Variants in TCF7L2 observed in about 807,000 individuals in gnomAD.
The protein encoded by TCF7L2 is transcription factor 7 like 2, also known as transcription factor 7-like 2.
Under a neutral mutation model 77.9 loss-of-function variants are expected in TCF7L2, and 23 were observed. That is an observed-to-expected ratio of 0.30 (90% CI 0.21 to 0.42). TCF7L2 has a LOEUF of 0.42. Ranked by LOEUF, TCF7L2 falls within the 10% of genes least tolerant of loss-of-function variation. The pLI is 1.00. For missense variants in TCF7L2, 654 were observed against 793.1 expected, an observed-to-expected ratio of 0.82 and a Z score of 2.11; for synonymous variants, 413 against 340.2, an observed-to-expected ratio of 1.21 and a Z score of -2.36.
chr10:113,106,602 G>A (rs1232200887), intron 5 of TCF7L2, among the ~76,000 whole-genome samples: 2 of 152,184 alleles, frequency 1.3e-5, no homozygotes, highest in African/African-American at 4.8e-5. Context: ...TGGTGATGAG[G>A]ATGGATTAAT....
chr10:112,973,042 C>T (rs1564730996), intron 4 of TCF7L2, among the ~76,000 whole-genome samples: 2 of 152,154 alleles, frequency 1.3e-5, no homozygotes, highest in African/African-American at 4.8e-5. Flanking sequence ...GCCTTCTGGG[C>T]AACACACATA....
At chr10:113,165,498 T>C (rs2073979344) in intron 13 of TCF7L2, 57 bp from the exon 15 acceptor site, 1 of 1,580,804 alleles carries the variant, frequency 6.3e-7, no homozygotes, top group Non-Finnish European at 8.6e-7. Flanking sequence ...ATTAGGTAAC[T>C]CTCTCCCTTG....
intron 11 of TCF7L2, 58 bp downstream of exon 11, chr10:113,152,498 C>A (rs114588457): frequency 6.9e-7 from 1 of 1,442,612 alleles, no homozygotes. Context: ...TGCGTCTATA[C>A]GGACAAAGAG....
chr10:113,096,451 A>T (rs2060981558), intron 5 of TCF7L2, among the ~76,000 whole-genome samples: 1 of 152,232 alleles, frequency 6.6e-6, no homozygotes, highest in Admixed American at 6.5e-5. Flanking sequence ...TTATTGCATC[A>T]GCTGCTGCTG....
At chr10:113,156,185 G>A (rs1160074501) in intron 11 of TCF7L2, among the ~76,000 whole-genome samples, 1 of 149,818 alleles carries the variant, frequency 6.7e-6, no homozygotes, top group Non-Finnish European at 1.5e-5. Context: ...CACGATCTCA[G>A]CTCACTGCAA....
At chr10:113,002,486 A>T (rs1056129391) in intron 4 of TCF7L2, among the ~76,000 whole-genome samples, 4 of 152,274 alleles carry the variant, frequency 2.6e-5, no homozygotes, top group African/African-American at 9.6e-5. Flanking sequence ...CTGTGACAGG[A>T]GTCATCCAGC....
At chr10:112,990,290 T>A (rs1269086829) in intron 4 of TCF7L2, among the ~76,000 whole-genome samples, 1 of 152,146 alleles carries the variant, frequency 6.6e-6, no homozygotes, top group Non-Finnish European at 1.5e-5. Flanking sequence ...ATTATATTCA[T>A]TCAATAACAG....
chr10:113,154,680 G>A (rs11196247), intron 11 of TCF7L2, among the ~76,000 whole-genome samples: 3,691 of 152,194 alleles, frequency 0.024, 140 homozygotes, highest in African/African-American at 0.083. Flanking sequence ...ATACTTTCTC[G>A]GTTTCAGAAG....
chr10:113,027,352 G>A (rs1034746272), intron 4 of TCF7L2, among the ~76,000 whole-genome samples: 15 of 152,088 alleles, frequency 9.9e-5, no homozygotes, highest in Middle Eastern at 3.2e-3. Flanking sequence ...TTCTTTCAGC[G>A]TTTCTCTCCT....
At chr10:113,110,369 GTT>G (rs55993335) in intron 5 of TCF7L2, among the ~76,000 whole-genome samples, 48,050 of 126,534 alleles carry the variant, frequency 0.38, 9,377 homozygotes, top group East Asian at 0.91. Flanking sequence ...GTCTACTGGG[GTT>G]TTTTTTTTTT....
chr10:112,974,567 C>T (rs755936652), intron 4 of TCF7L2, among the ~76,000 whole-genome samples: 10 of 152,134 alleles, frequency 6.6e-5, no homozygotes, highest in South Asian at 4.1e-4. Flanking sequence ...CTCAGCCTCC[C>T]GAGTGGCTGG....
chr10:113,126,557 C>T (rs971248226), intron 5 of TCF7L2: 7 of 984,912 alleles, frequency 7.1e-6, no homozygotes, highest in African/African-American at 1.7e-5. Context: ...GTAAGAAAGC[C>T]CTGCCTTTTT....
chr10:113,089,284 G>T, intron 5 of TCF7L2: 2 of 1,170,380 alleles, frequency 1.7e-6, no homozygotes, highest in South Asian at 1.7e-5. Flanking sequence ...CTATCATGGA[G>T]CTTCTATAGA....
At chr10:113,027,291 T>G (rs901011739) in intron 4 of TCF7L2, among the ~76,000 whole-genome samples, 3 of 152,228 alleles carry the variant, frequency 2.0e-5, no homozygotes, top group African/African-American at 4.8e-5. Context: ...GGAATTTGAT[T>G]TGGTGTCTGG....
At chr10:113,050,163 A>G (rs1232402800) in intron 5 of TCF7L2, among the ~76,000 whole-genome samples, 1 of 152,194 alleles carries the variant, frequency 6.6e-6, no homozygotes, top group Non-Finnish European at 1.5e-5. Flanking sequence ...CTAGGCTTCA[A>G]TGAGATGGAG....
chr10:112,980,761 G>A (rs1461805765), intron 4 of TCF7L2, among the ~76,000 whole-genome samples: 4 of 152,002 alleles, frequency 2.6e-5, no homozygotes, highest in Admixed American at 2.0e-4. Flanking sequence ...CCAGTAGCTG[G>A]GACTACAGGC....
chr10:112,962,593 A>T (rs1345265146), intron 3 of TCF7L2, among the ~76,000 whole-genome samples: 3 of 151,996 alleles, frequency 2.0e-5, no homozygotes, highest in Admixed American at 6.6e-5. Context: ...CACTTTACTT[A>T]TTTATTTTTA....
chr10:113,066,161 G>A (rs928196988), intron 5 of TCF7L2, among the ~76,000 whole-genome samples: 3 of 152,088 alleles, frequency 2.0e-5, no homozygotes, highest in Non-Finnish European at 2.9e-5. Context: ...TCAGGAGTAC[G>A]AGACCAGCCT....
At chr10:113,027,959 C>T (rs763002203) in intron 4 of TCF7L2, among the ~76,000 whole-genome samples, 1 of 152,160 alleles carries the variant, frequency 6.6e-6, no homozygotes, top group Non-Finnish European at 1.5e-5. Flanking sequence ...TGCAGTCAGA[C>T]GAGAAGCGTG....
Sources: allele counts gnomAD v4.1 joint callset (sites outside exome capture counted in the v4.1 genomes callset), GRCh38; gene constraint gnomAD v4.1.1; transcripts MANE v1.5; gene names NCBI Gene and HGNC (gene_info 2026-07-23, HGNC 2026-07-21).